The following ECM2 variants were observed in gnomAD, a reference collection of about 807,000 sequenced individuals.
The protein encoded by ECM2 is extracellular matrix protein 2.
ECM2 carries 57 observed loss-of-function variants against 67.5 expected under a neutral mutation model. The ratio of observed to expected loss-of-function variants is 0.84; its 90% CI spans 0.68 to 1.05. ECM2 has a LOEUF of 1.05. Ranked by LOEUF, ECM2 falls within the 50% of genes least tolerant of loss-of-function variation. The pLI, the probability that ECM2 is intolerant of heterozygous loss-of-function variation, is 0.00. For synonymous variants in ECM2, 258 were observed against 294.5 expected, an observed-to-expected ratio of 0.88 and a Z score of 1.27; for missense variants, 741 against 822.8, an observed-to-expected ratio of 0.90 and a Z score of 1.22.
chr9:92,540,783 A>T (rs1486350792), upstream of ECM2, among the ~76,000 whole-genome samples: 1 of 149,696 alleles, frequency 6.7e-6, no homozygotes, highest in East Asian at 1.9e-4. Flanking sequence ...AAAAAAAAAA[A>T]TCATCAATGA....
chr9:92,538,391 C>G (rs2131304702), upstream of ECM2, among the ~76,000 whole-genome samples: 1 of 152,214 alleles, frequency 6.6e-6, no homozygotes, highest in East Asian at 1.9e-4. Context: ...GAATAAACAA[C>G]AAAATATTAA....
At chr9:92,500,500 T>C (rs1438234111) in intron 9 of ECM2, among the ~76,000 whole-genome samples, 1 of 152,222 alleles carries the variant, frequency 6.6e-6, no homozygotes, top group African/African-American at 2.4e-5. Context: ...GTTTTAACTA[T>C]GGAAATTTAT....
intron 1 of ECM2, among the ~76,000 whole-genome samples, chr9:92,532,025 T>TTTG (rs1563990286): frequency 6.4e-5 from 8 of 125,828 alleles, no homozygotes. Context: ...GTTTTTTTTT[T>TTTG]TTTATTTTAT....
At chr9:92,547,875 C>A in the ECM2 span, among the ~76,000 whole-genome samples, 1 of 151,832 alleles carries the variant, frequency 6.6e-6, no homozygotes, top group East Asian at 1.9e-4. Context: ...TTTCTGGGAA[C>A]AAAACAGTGA....
the ECM2 span, among the ~76,000 whole-genome samples, chr9:92,555,301 C>A: frequency 7.1e-6 from 1 of 140,950 alleles, no homozygotes; most frequent in Admixed American, 7.9e-5. Context: ...GATCTCAGCT[C>A]ACCACACCTC....
upstream of ECM2, among the ~76,000 whole-genome samples, chr9:92,536,386 C>T (rs932614805): frequency 6.6e-6 from 1 of 152,094 alleles, no homozygotes; most frequent in South Asian, 2.1e-4. Context: ...ATGATATTCT[C>T]GTCAGCTAAA....
downstream of ECM2, among the ~76,000 whole-genome samples, chr9:92,494,311 G>A (rs11788523): frequency 0.37 from 56,379 of 151,992 alleles, 12,791 homozygotes; most frequent in African/African-American, 0.64. Flanking sequence ...TTATGTCAAT[G>A]TGTTTATATT....
At chr9:92,558,174 G>A in the ECM2 span, among the ~76,000 whole-genome samples, 4 of 152,200 alleles carry the variant, frequency 2.6e-5, no homozygotes, top group African/African-American at 9.6e-5. Context: ...TGGATCCATT[G>A]CTGGTGAACT....
chr9:92,514,561 C>T, intron 4 of ECM2, 70 bp downstream of exon 4: 1 of 1,511,182 alleles, frequency 6.6e-7, no homozygotes, highest in African/African-American at 1.4e-5. Flanking sequence ...AGGCGTGAGC[C>T]ACCGTGCCCA....
At chr9:92,527,402 G>A (rs1445655671) in intron 1 of ECM2, among the ~76,000 whole-genome samples, 1 of 152,166 alleles carries the variant, frequency 6.6e-6, no homozygotes, top group East Asian at 1.9e-4. Context: ...TAGCCTAGGA[G>A]CAATAGGCTC....
intron 6 of ECM2, among the ~76,000 whole-genome samples, chr9:92,508,852 A>G (rs958039713): frequency 2.0e-5 from 3 of 152,124 alleles, no homozygotes; most frequent in African/African-American, 7.2e-5. Flanking sequence ...TTAATAAATA[A>G]CATAATAAAT....
chr9:92,533,303 CAAAAAAAAAAAA>C (rs1174584000), intron 1 of ECM2, among the ~76,000 whole-genome samples: 4 of 29,880 alleles, frequency 1.3e-4, no homozygotes, highest in African/African-American at 4.1e-4. Flanking sequence ...CGGTCTCAAA[CAAAAAAAAAAAA>C]AAAAAAAAAA....
chr9:92,510,075 C>T (rs1847243597), intron 5 of ECM2, 41 bp from the exon 6 acceptor site: 3 of 1,563,838 alleles, frequency 1.9e-6, no homozygotes, highest in Non-Finnish European at 8.6e-7. Flanking sequence ...TATCTAGTCA[C>T]AGCTGTGCAG....
the ECM2 span, among the ~76,000 whole-genome samples, chr9:92,554,912 A>G: frequency 1.3e-5 from 2 of 152,160 alleles, no homozygotes. Flanking sequence ...CTGAGATTAC[A>G]GGCATGAGCC....
intron 1 of ECM2, among the ~76,000 whole-genome samples, chr9:92,530,539 T>C (rs1848682829): frequency 6.6e-6 from 1 of 152,214 alleles, no homozygotes; most frequent in Non-Finnish European, 1.5e-5. Context: ...GTTCAAATTG[T>C]CCTAATAATT....
chr9:92,549,541 G>C, the ECM2 span, among the ~76,000 whole-genome samples: 1 of 151,958 alleles, frequency 6.6e-6, no homozygotes, highest in Non-Finnish European at 1.5e-5. Context: ...CAGCCACTCG[G>C]GAGGCTGAGG....
chr9:92,514,487 C>T, intron 4 of ECM2, 144 bp downstream of exon 4: 1 of 1,085,754 alleles, frequency 9.2e-7, no homozygotes, highest in Non-Finnish European at 1.3e-6. Context: ...ATTGTCCAGG[C>T]TGGTCTCAAA....
At chr9:92,511,898 G>A (rs1847367181) in intron 5 of ECM2, 113 bp downstream of exon 5, 2 of 706,172 alleles carry the variant, frequency 2.8e-6, no homozygotes, top group Admixed American at 6.1e-5. Flanking sequence ...AACTTTCTTA[G>A]AAGAAGACTA....
the ECM2 span, among the ~76,000 whole-genome samples, chr9:92,557,950 C>T: frequency 2.6e-5 from 4 of 152,062 alleles, no homozygotes; most frequent in Admixed American, 6.6e-5. Flanking sequence ...GCCTGCATTT[C>T]GCATTTCTAA....
Sources: allele counts gnomAD v4.1 joint callset (sites outside exome capture counted in the v4.1 genomes callset), GRCh38; gene constraint gnomAD v4.1.1; transcripts MANE v1.5; gene names NCBI Gene and HGNC (gene_info 2026-07-23, HGNC 2026-07-21).